The following CELF1 variants were observed in gnomAD, a reference collection of about 807,000 sequenced individuals.
The protein encoded by CELF1 is CUGBP Elav-like family member 1.
CELF1 carries 10 observed loss-of-function variants against 61.8 expected under a neutral mutation model. The ratio of observed to expected loss-of-function variants is 0.16; its 90% CI spans 0.10 to 0.27. The LOEUF (loss-of-function observed/expected upper bound fraction) is 0.27, where lower values mean the gene tolerates loss of function less well. Ranked by LOEUF, CELF1 falls within the 10% of genes least tolerant of loss-of-function variation. The probability of loss-of-function intolerance (pLI) is 1.00; values close to 1 mark genes in which losing one functional copy is unlikely to be tolerated. For synonymous variants in CELF1, 236 were observed against 225.1 expected, an observed-to-expected ratio of 1.05 and a Z score of -0.43; for missense variants, 380 against 639.1, an observed-to-expected ratio of 0.59 and a Z score of 4.37.
At chr11:47,526,827 G>T (rs182759651) in intron 1 of CELF1, among the ~76,000 whole-genome samples, 1 of 151,852 alleles carries the variant, frequency 6.6e-6, no homozygotes, top group East Asian at 1.9e-4. Flanking sequence ...TCCCACGATG[G>T]ATCACCTGAG....
chr11:47,541,864 A>G, intron 1 of CELF1, among the ~76,000 whole-genome samples: 1 of 152,030 alleles, frequency 6.6e-6, no homozygotes. Flanking sequence ...CTTCGAAATT[A>G]AAAGTATAAC....
At chr11:47,495,413 G>GGAAT (rs1332126004) in intron 3 of CELF1, among the ~76,000 whole-genome samples, 4 of 152,112 alleles carry the variant, frequency 2.6e-5, no homozygotes, top group Non-Finnish European at 5.9e-5. Context: ...GAAGAAGAGG[G>GGAAT]GAATGGTTGC....
At chr11:47,481,527 T>C (rs147247099) in intron 9 of CELF1, among the ~76,000 whole-genome samples, 106 of 152,302 alleles carry the variant, frequency 7.0e-4, no homozygotes, top group Non-Finnish European at 9.8e-4. Flanking sequence ...CTTTTGTCTG[T>C]TTCCATACAG....
chr11:47,564,853 T>C (rs944940409), intron 1 of CELF1, among the ~76,000 whole-genome samples: 1 of 152,214 alleles, frequency 6.6e-6, no homozygotes, highest in East Asian at 1.9e-4. Flanking sequence ...TTTTTGTAGG[T>C]TGCAGGTTTT....
intron 5 of CELF1, 95 bp downstream of exon 5, chr11:47,487,064 C>A: frequency 1.0e-6 from 1 of 995,134 alleles, no homozygotes; most frequent in South Asian, 1.4e-5. Flanking sequence ...GTTACCTTTT[C>A]CCCAAAATGG....
At position 47,471,373 on chromosome 11, in the gene CELF1, G is replaced by C. The variant is rs142431972; in HGVS notation, c.*857C>G. 2.0e-5 allele frequency: 3 copies of C among 152,306 alleles called. No homozygotes were observed. The highest frequency in any genetic ancestry group is 2.9e-5 in the Non-Finnish European group (2 of 68,034). 9.4% of individuals were successfully genotyped at this position (152,306 alleles called of 1,614,324 possible). On this transcript the variant is annotated 3_prime_UTR_variant, in exon 15 of 15. Coordinates refer to ENST00000687097, the MANE Select transcript of CELF1 (RefSeq NM_001376376.1). ...TGTATTCCATAGAGGCCTTTAAAGAGACCCGTTGGAAATGGGCCATGGTCT... is the reference window on the plus strand; with the variant it reads ...TGTATTCCATAGAGGCCTTTAAAGACACCCGTTGGAAATGGGCCATGGTCT...
intron 4 of CELF1, among the ~76,000 whole-genome samples, chr11:47,488,378 G>GT (rs2089034083): frequency 6.6e-6 from 1 of 152,156 alleles, no homozygotes; most frequent in African/African-American, 2.4e-5. Flanking sequence ...CAAGGCCTCT[G>GT]TAATACTAAC....
intron 1 of CELF1, among the ~76,000 whole-genome samples, chr11:47,517,637 C>T (rs983551635): frequency 2.0e-5 from 3 of 151,824 alleles, no homozygotes; most frequent in Non-Finnish European, 2.9e-5. Flanking sequence ...CATGTGAACA[C>T]GTTACCTATT....
At chr11:47,497,246 C>T (rs1411055549) in intron 3 of CELF1, among the ~76,000 whole-genome samples, 7 of 152,096 alleles carry the variant, frequency 4.6e-5, no homozygotes, top group East Asian at 1.9e-4. Context: ...ATCTGAGAAG[C>T]AGAGAAGCAC....
At chr11:47,547,072 A>AAAAAAC (rs2096975813) in intron 1 of CELF1, among the ~76,000 whole-genome samples, 1 of 131,854 alleles carries the variant, frequency 7.6e-6, no homozygotes, top group Non-Finnish European at 1.7e-5. Flanking sequence ...CCTCAAAAAA[A>AAAAAAC]AAAAAAAAAA....
chr11:47,558,915 C>G (rs1340069567), intron 2 of CELF1, among the ~76,000 whole-genome samples: 2 of 132,976 alleles, frequency 1.5e-5, no homozygotes, highest in Admixed American at 1.7e-4. Context: ...ATATATAACA[C>G]ATAATATATT....
chr11:47,512,885 G>A (rs971763554), intron 1 of CELF1, among the ~76,000 whole-genome samples: 1 of 152,162 alleles, frequency 6.6e-6, no homozygotes, highest in Admixed American at 6.5e-5. Context: ...GACCTCTCAG[G>A]AGCTGGAGGC....
intron 1 of CELF1, among the ~76,000 whole-genome samples, chr11:47,539,020 C>T (rs1285653368): frequency 6.6e-6 from 1 of 152,068 alleles, no homozygotes; most frequent in East Asian, 1.9e-4. Context: ...TCAAGCCCAT[C>T]AACATTTTTT....
At chr11:47,543,735 G>A (rs2096866634) in intron 1 of CELF1, among the ~76,000 whole-genome samples, 1 of 151,254 alleles carries the variant, frequency 6.6e-6, no homozygotes, top group Non-Finnish European at 1.5e-5. Context: ...TAGCGGACCC[G>A]TGGACCCCTG....
intron 1 of CELF1, among the ~76,000 whole-genome samples, chr11:47,501,388 G>A (rs757662587): frequency 5.9e-5 from 9 of 152,164 alleles, no homozygotes; most frequent in Non-Finnish European, 7.3e-5. Flanking sequence ...TTTCTCCTAC[G>A]TACATTGGAA....
At chr11:47,484,357 CA>C (rs2085341354) in intron 7 of CELF1, 31 bp downstream of exon 7, 1 of 1,586,522 alleles carries the variant, frequency 6.3e-7, no homozygotes, top group Non-Finnish European at 8.5e-7. Flanking sequence ...AACAAAAAAC[CA>C]AAAGATTATT....
At chr11:47,476,192 T>C (rs2080054329) in intron 12 of CELF1, among the ~76,000 whole-genome samples, 1 of 151,890 alleles carries the variant, frequency 6.6e-6, no homozygotes, top group Non-Finnish European at 1.5e-5. Context: ...GAGTTCTCAC[T>C]ATGTTGCTCA....
intron 2 of CELF1, 157 bp from the exon 3 acceptor site, chr11:47,499,761 A>G: frequency 4.0e-6 from 2 of 501,826 alleles, no homozygotes; most frequent in Non-Finnish European, 7.1e-6. Context: ...CCCAGCACAC[A>G]ATGAAAGTGC....
chr11:47,498,748 C>T (rs1007390901), intron 3 of CELF1, among the ~76,000 whole-genome samples: 45 of 152,138 alleles, frequency 3.0e-4, no homozygotes, highest in Admixed American at 5.2e-4. Flanking sequence ...GTTAGGTTAG[C>T]ATTTTGGCTG....
Sources: gnomAD v4.1 joint callset for allele counts (sites outside exome capture counted in the v4.1 genomes callset) on GRCh38, gnomAD v4.1.1 for gene constraint, MANE v1.5 for transcripts, NCBI Gene and HGNC (gene_info 2026-07-23, HGNC 2026-07-21) for gene names.